The following CLIP2 variants were observed in gnomAD, a reference collection of about 807,000 sequenced individuals.
CLIP2 encodes CAP-Gly domain-containing linker protein 2.
Under a neutral mutation model 111.7 loss-of-function variants are expected in CLIP2, and 41 were observed. The observed-to-expected ratio is 0.37, with a 90% CI of 0.29 to 0.48. The LOEUF is 0.48. CLIP2 is among the 20% of genes least tolerant of loss of function. The pLI, the probability that CLIP2 is intolerant of heterozygous loss-of-function variation, is 0.99. For missense variants in CLIP2, 1,160 were observed against 1,422.1 expected, an observed-to-expected ratio of 0.82 and a Z score of 2.96; for synonymous variants, 660 against 644.2, an observed-to-expected ratio of 1.02 and a Z score of -0.37.
chr7:74,292,261 C>T (rs1788044628), intron 1 of CLIP2, among the ~76,000 whole-genome samples: 1 of 152,010 alleles, frequency 6.6e-6, no homozygotes, highest in African/African-American at 2.4e-5. Context: ...ACCTCCACTT[C>T]CATACACAGG....
chr7:74,300,750 C>G (rs1386780066), intron 1 of CLIP2, among the ~76,000 whole-genome samples: 1 of 152,206 alleles, frequency 6.6e-6, no homozygotes, highest in Non-Finnish European at 1.5e-5. Flanking sequence ...GCCACCGTGC[C>G]CGGCCTGATT....
intron 10 of CLIP2, among the ~76,000 whole-genome samples, chr7:74,378,520 G>A (rs1364534469): frequency 1.3e-5 from 2 of 152,028 alleles, no homozygotes; most frequent in Non-Finnish European, 2.9e-5. Context: ...CAGGAGGATT[G>A]CTTCAGGCCA....
At chr7:74,389,535 T>C in intron 13 of CLIP2, 1 of 258,744 alleles carries the variant, frequency 3.9e-6, no homozygotes. Context: ...GGCAGGAGGA[T>C]TGAGCCCAGG....
chr7:74,339,678 C>T (rs1789599591), intron 3 of CLIP2, among the ~76,000 whole-genome samples: 1 of 152,080 alleles, frequency 6.6e-6, no homozygotes, highest in Admixed American at 6.6e-5. Flanking sequence ...TTAGACAGTG[C>T]CTAATACTAA....
intron 12 of CLIP2, chr7:74,388,873 T>G (rs2116687931): frequency 2.5e-6 from 1 of 401,904 alleles, no homozygotes; most frequent in East Asian, 4.5e-5. Flanking sequence ...GGAGGATTGC[T>G]TGAGCTCAGG....
At chr7:74,290,394 C>G (rs1232187666) in intron 1 of CLIP2, among the ~76,000 whole-genome samples, 1 of 152,166 alleles carries the variant, frequency 6.6e-6, no homozygotes, top group African/African-American at 2.4e-5. Context: ...GATTTTCTGC[C>G]CTCCTCCCGG....
At chr7:74,391,761 A>C (rs2116695327) in intron 13 of CLIP2, among the ~76,000 whole-genome samples, 1 of 152,174 alleles carries the variant, frequency 6.6e-6, no homozygotes, top group African/African-American at 2.4e-5. Flanking sequence ...CAGAGGTTGC[A>C]GTGAGTCGAG....
intron 12 of CLIP2, among the ~76,000 whole-genome samples, chr7:74,387,173 C>A (rs1791134477): frequency 6.6e-6 from 1 of 152,072 alleles, no homozygotes; most frequent in Admixed American, 6.6e-5. Flanking sequence ...TTCTCTGTGT[C>A]CTGAAATTCT....
intron 3 of CLIP2, among the ~76,000 whole-genome samples, chr7:74,348,506 A>T (rs1554306824): frequency 6.6e-6 from 1 of 151,274 alleles, no homozygotes; most frequent in East Asian, 2.0e-4. Context: ...AAAGAATGAG[A>T]GGGCCGGGTG....
chr7:74,372,588 G>A (rs1269664767), intron 8 of CLIP2, among the ~76,000 whole-genome samples: 1 of 145,662 alleles, frequency 6.9e-6, no homozygotes, highest in East Asian at 2.3e-4. Flanking sequence ...CTGCTGGTTG[G>A]GGGTTGGGGG....
intron 14 of CLIP2, 33 bp downstream of exon 14, chr7:74,397,266 G>C (rs782516202): frequency 6.2e-7 from 1 of 1,602,178 alleles, no homozygotes; most frequent in Non-Finnish European, 8.5e-7. Context: ...AGGGGCAGGG[G>C]CACTAGTCCG....
At chr7:74,306,546 C>T (rs1554727779) in intron 1 of CLIP2, among the ~76,000 whole-genome samples, 1 of 152,168 alleles carries the variant, frequency 6.6e-6, no homozygotes, top group East Asian at 1.9e-4. Context: ...CACCCGTCCC[C>T]CTCCGCCGGG....
intron 10 of CLIP2, among the ~76,000 whole-genome samples, chr7:74,378,710 A>T (rs1790863432): frequency 6.6e-6 from 1 of 152,150 alleles, no homozygotes; most frequent in South Asian, 2.1e-4. Context: ...ACTGCACTCC[A>T]GCCTGAGTGA....
intron 2 of CLIP2, among the ~76,000 whole-genome samples, chr7:74,322,654 C>T (rs1788994681): frequency 6.6e-6 from 1 of 151,928 alleles, no homozygotes; most frequent in Non-Finnish European, 1.5e-5. Context: ...TCCATCCTCA[C>T]ACCTTGACCT....
intron 1 of CLIP2, among the ~76,000 whole-genome samples, chr7:74,306,952 G>C (rs1037236925): frequency 6.6e-6 from 1 of 152,228 alleles, no homozygotes; most frequent in Non-Finnish European, 1.5e-5. Flanking sequence ...CGGCCACAGT[G>C]TGGCCAGAGG....
chr7:74,365,766 T>A (rs1371558427), intron 8 of CLIP2, among the ~76,000 whole-genome samples: 3 of 152,144 alleles, frequency 2.0e-5, no homozygotes, highest in African/African-American at 7.2e-5. Context: ...CTTTTTTTTC[T>A]TTTTTGGAGA....
At position 74,376,510 on chromosome 7, in the gene CLIP2, G is replaced by A; in HGVS notation, c.2109G>A (p.Trp703Ter). Residue 703 changes from tryptophan to a stop codon, truncating the protein, a stop_gained, in exon 10 of 17, where the codon TGG becomes TGA. Transcript: ENST00000223398. LOFTEE classifies it high-confidence loss of function. The surrounding 1 kb of genome is among the most constrained non-coding windows in gnomAD (Gnocchi z 7.1). Reference protein sequence around the residue: ...QEELAGLQRHWRAQLEVQASQ... With the variant: ...QEELAGLQRH The stretch of plus-strand genomic sequence containing the variant: ...AGCTGGCTGGGCTGCAGCGGCACTG[G>A]CGGGCCCAGCTGGAGGTGCAAGCCA... 1 of 1,604,926 alleles carries A rather than the reference G, an allele frequency of 6.2e-7. No homozygotes were observed. The highest frequency in any genetic ancestry group is 8.5e-7 in the Non-Finnish European group (1 of 1,176,788).
At chr7:74,375,850 C>G in intron 9 of CLIP2, 37 bp from the exon 10 acceptor site, 2 of 1,462,448 alleles carry the variant, frequency 1.4e-6, no homozygotes, top group Non-Finnish European at 1.8e-6. Flanking sequence ...AGCCAGCCAG[C>G]CAGCCCGCTG....
rs546634691 is a variant in CLIP2, at chr7:74,376,436, G to A, written c.2035G>A (p.Val679Met). The A allele has an allele frequency of 1.6e-5, 26 of 1,614,030 alleles. No homozygotes were observed. Among genetic ancestry groups the A allele is most frequent in the African/African-American group, 1.6e-4 (12 of 75,048 alleles). Residue 679 changes from valine (V) to methionine (M), a missense_variant, in exon 10 of 17, where the codon GTG (valine) becomes ATG (methionine). This residue lies in a region of CLIP2 where 676 missense variants were observed against 777.8 expected (regional missense o/e 0.87). Transcript: ENST00000223398. The surrounding 1 kb of genome is among the most constrained non-coding windows in gnomAD (Gnocchi z 7.1). ...GCATGACCTGGAGACCGCCATGCAC[G>A]TGAAGGAGAAGGAGGCCCTGCGAGA... Reference protein sequence around the residue: ...AKHDLETAMHVKEKEALREKL... With the variant: ...AKHDLETAMHMKEKEALREKL...
Sources: allele counts gnomAD v4.1 joint callset (sites outside exome capture counted in the v4.1 genomes callset), GRCh38; gene constraint gnomAD v4.1.1; regional missense constraint gnomAD v4.1.1; non-coding constraint Gnocchi (gnomAD v3.1); transcripts MANE v1.5; gene names NCBI Gene and HGNC (gene_info 2026-07-23, HGNC 2026-07-21).